Variants in SYCP2 observed in about 807,000 individuals in gnomAD.
SYCP2 encodes the protein synaptonemal complex lateral element protein.
Under a neutral mutation model 211.3 loss-of-function variants are expected in SYCP2, and 55 were observed. The observed-to-expected ratio is 0.26, with a 90% CI of 0.21 to 0.33. SYCP2 has a LOEUF of 0.33. Ranked by LOEUF, SYCP2 falls within the 10% of genes least tolerant of loss-of-function variation. The pLI, the probability that SYCP2 is intolerant of heterozygous loss-of-function variation, is 1.00. For missense variants in SYCP2, 1,731 were observed against 1,752.0 expected (o/e 0.99, Z 0.21); for synonymous variants, 570 against 555.2 (o/e 1.03, Z -0.37).
intron 32 of SYCP2, 117 bp downstream of exon 32, chr20:59,877,891 A>G: frequency 1.3e-6 from 1 of 764,716 alleles, no homozygotes; most frequent in Non-Finnish European, 2.1e-6. Context: ...AAGAAGGAAG[A>G]GGTACATAAA....
chr20:59,895,539 C>T lies in SYCP2; in HGVS notation c.1563G>A (p.Glu521=). ...KPPLQMTSSA[E]KPSVSQTSEN... is the part of the protein sequence containing the mutation. ...CTGATGTTTGAGAAACACTAGGTTT[C>T]TCTGCAGAGCTCGTCATTTGCAGTG... Residue 521 remains glutamate (E), a synonymous_variant, in exon 20 of 45, where the codon GAG becomes GAA. Coordinates refer to ENST00000357552, the MANE Select transcript of SYCP2 (RefSeq NM_014258.4). 1 of 1,610,858 alleles carries T rather than the reference C, an allele frequency of 6.2e-7. No individual in the cohort carries two copies. Among genetic ancestry groups the T allele is most frequent in the African/African-American group, 1.3e-5 (1 of 74,968 alleles).
intron 18 of SYCP2, among the ~76,000 whole-genome samples, chr20:59,896,878 G>C (rs1177324208): frequency 6.6e-6 from 1 of 152,026 alleles, no homozygotes; most frequent in Non-Finnish European, 1.5e-5. Context: ...TATATCATGA[G>C]GATAATGTTT....
In SYCP2 at chr20:59,885,919, A is replaced by AT; in HGVS notation, c.2529+8_2529+9insA. 1 of 1,595,410 alleles carries AT rather than the reference A, an allele frequency of 6.3e-7. No homozygotes were observed. Among genetic ancestry groups the AT allele is most frequent in the South Asian group, 1.1e-5 (1 of 87,866 alleles). On this transcript the variant is annotated intron_variant, in intron 26 of 44. Transcript: ENST00000357552. ...ATAGATTTGGTGAAGTTAAGTAAAT[A>AT]ACACCTACCTTACTGAGTTGTACAA...
rs527820411 is a variant in SYCP2 at position 59,871,848 on chromosome 20, T to C, written c.3556-1865A>G. ...GAAAAAAAAGTCTGTACATGTTCAATACAGACACAATTAAAAATATATATT... is the reference window on the plus strand; with the variant it reads ...GAAAAAAAAGTCTGTACATGTTCAACACAGACACAATTAAAAATATATATT... On this transcript the variant is annotated intron_variant, in intron 35 of 44. Coordinates refer to ENST00000357552, the MANE Select transcript of SYCP2 (RefSeq NM_014258.4). Among the ~76,000 whole-genome samples the C allele has an allele frequency of 6.6e-5, 10 of 152,128 alleles. No individual in the cohort carries two copies. In the South Asian group the frequency reaches 2.1e-3, roughly 32 times the overall value.
At chr20:59,908,153 G>A (rs1014792445) in intron 14 of SYCP2, among the ~76,000 whole-genome samples, 1 of 152,164 alleles carries the variant, frequency 6.6e-6, no homozygotes, top group African/African-American at 2.4e-5. Context: ...GGAGGCTGAG[G>A]CAGGAGAATG....
intron 24 of SYCP2, among the ~76,000 whole-genome samples, chr20:59,888,126 G>A (rs570995710): frequency 6.6e-6 from 1 of 151,844 alleles, no homozygotes; most frequent in South Asian, 2.1e-4. Flanking sequence ...CTACAAGATA[G>A]AAGAGTAGGA....
chr20:59,874,789 G>T (rs1406656717), intron 34 of SYCP2, among the ~76,000 whole-genome samples: 2 of 151,898 alleles, frequency 1.3e-5, no homozygotes, highest in East Asian at 3.9e-4. Flanking sequence ...CAAAGAATAT[G>T]AATTTTTCTT....
At position 59,901,962 on chromosome 20, in the gene SYCP2, T is replaced by TAC. The variant is rs979356073; in HGVS notation, c.1034-154_1034-153dup. The TAC allele has an allele frequency of 5.7e-5, 32 of 565,508 alleles. 1 individual carries two copies. Among genetic ancestry groups the TAC allele is most frequent in the African/African-American group, 3.7e-4 (19 of 51,244 alleles). 35.0% of individuals were successfully genotyped at this position (565,508 alleles called of 1,614,324 possible). A position where few individuals can be genotyped will look rare whatever the true frequency, so the allele number is the denominator to read the frequency against. The stretch of plus-strand genomic sequence containing the variant: ...TAAATTAATCAATTCTGGCACTACT[T>TAC]ACCTATGTAAATCAATCAAGTCAAT... On this transcript the variant is annotated intron_variant, in intron 15 of 44. Coordinates refer to ENST00000357552, the MANE Select transcript of SYCP2 (RefSeq NM_014258.4).
chr20:59,882,236 T>C (rs2059697810), intron 26 of SYCP2, 71 bp from the exon 27 acceptor site: 3 of 1,114,790 alleles, frequency 2.7e-6, no homozygotes, highest in Admixed American at 2.1e-5. Flanking sequence ...ACAGCACTAA[T>C]CAGAAATGCA....
intron 15 of SYCP2, among the ~76,000 whole-genome samples, chr20:59,903,353 A>G (rs190145765): frequency 5.3e-4 from 81 of 152,254 alleles, no homozygotes; most frequent in African/African-American, 1.9e-3. Context: ...TAGGAAGAGA[A>G]GGAAAGAGTA....
intron 3 of SYCP2, 84 bp downstream of exon 3, chr20:59,922,305 TA>T: frequency 8.1e-7 from 1 of 1,229,888 alleles, no homozygotes; most frequent in Non-Finnish European, 1.1e-6. Context: ...TTATCATTGC[TA>T]AAAACATAGC....
Position 59,882,012 on chromosome 20 carries a change from T to C in SYCP2, c.2601-10A>G. On this transcript the variant is annotated splice_polypyrimidine_tract_variant and intron_variant, in intron 27 of 44. Coordinates refer to ENST00000357552, the MANE Select transcript of SYCP2 (RefSeq NM_014258.4). ...ATTGTAAACATCATTCCTGTGAAAA[T>C]GAAGAGCAATATTAGCTCCACTTAA... 3 of 1,612,392 alleles carry C rather than the reference T, an allele frequency of 1.9e-6. No individual in the cohort carries two copies. Among genetic ancestry groups the C allele is most frequent in the Non-Finnish European group, 2.5e-6 (3 of 1,178,896 alleles).
chr20:59,926,014 G>A (rs1056230539), intron 2 of SYCP2, among the ~76,000 whole-genome samples: 11 of 151,904 alleles, frequency 7.2e-5, no homozygotes, highest in African/African-American at 2.7e-4. Flanking sequence ...CTAGTATTAA[G>A]GAAACAAACT....
intron 19 of SYCP2, among the ~76,000 whole-genome samples, 160 bp from the exon 20 acceptor site, chr20:59,895,757 A>G (rs1198597382): frequency 2.6e-5 from 4 of 152,124 alleles, no homozygotes; most frequent in Non-Finnish European, 5.9e-5. Context: ...TACCAAGATA[A>G]TAAGTGAAGG....
rs761775544 is a variant in SYCP2 at position 59,869,900 on chromosome 20, G to A, written c.3639C>T (p.Asn1213=). The stretch of plus-strand genomic sequence containing the variant: ...TGCTTACATCTGAATAGCTGTTACT[G>A]TTTTGTGTTTCTTGTGTAAGTACCA... ...SSLVLTQETQ[N]SNSYSDVSSY... The change falls in exon 36 of 45, where the codon AAC becomes AAT. Residue 1213 remains asparagine, a synonymous_variant. Transcript: ENST00000357552. The A allele has an allele frequency of 3.1e-6, 5 of 1,605,480 alleles. No individual in the cohort carries two copies. Among genetic ancestry groups the A allele is most frequent in the Middle Eastern group, 1.7e-4 (1 of 5,920 alleles).
At chr20:59,869,542 T>C (rs994225777) in intron 36 of SYCP2, among the ~76,000 whole-genome samples, 2 of 151,744 alleles carry the variant, frequency 1.3e-5, no homozygotes, top group African/African-American at 4.8e-5. Flanking sequence ...ATTGTAAATA[T>C]GCAATCCGGG....
In SYCP2 at chr20:59,922,257, T is replaced by A. The variant is rs1276153047; in HGVS notation, c.24+133A>T. On this transcript the variant is annotated intron_variant, in intron 3 of 44. Transcript: ENST00000357552. Reference sequence around the variant, plus strand: ...TGAATACATGAAAGGACACTTTATTTAAACTATTCTTGACCATTTCATAAA... The same window carrying A: ...TGAATACATGAAAGGACACTTTATTAAAACTATTCTTGACCATTTCATAAA... 9 of 742,832 alleles carry A rather than the reference T, an allele frequency of 1.2e-5. No homozygotes were observed. In the African/African-American group the frequency reaches 1.7e-4, roughly 14 times the overall value. The allele number at this position is 742,832 out of a possible 1,614,324, so 46.0% of individuals were successfully genotyped here.
At position 59,887,216 on chromosome 20, in the gene SYCP2, C is replaced by T. The variant is rs1387582486; in HGVS notation, c.2365-382G>A. 2.0e-5 allele frequency among the ~76,000 whole-genome samples: 3 copies of T among 151,574 alleles called. No individual in the cohort carries two copies. In the South Asian group the frequency reaches 6.3e-4, roughly 32 times the overall value. On this transcript the variant is annotated intron_variant, in intron 24 of 44. Coordinates refer to ENST00000357552, the MANE Select transcript of SYCP2 (RefSeq NM_014258.4). ...CCTTCCTGTGTCCAAGTGTTCTCAT[C>T]GTTCAATTCCCACCTACAAGTGAGA...
rs771554378 is a variant in SYCP2, at chr20:59,886,743, T to C, written c.2456A>G (p.Lys819Arg). 3 of 1,586,198 alleles carry C rather than the reference T, an allele frequency of 1.9e-6. No individual in the cohort carries two copies. Among genetic ancestry groups the C allele is most frequent in the Non-Finnish European group, 2.6e-6 (3 of 1,168,902 alleles). Reference sequence around the variant, plus strand: ...AGACTCCTTTAATTTTCTTGTAGACTTGATGTCATCTTTTGTTTTGTATCT... The same window carrying C: ...AGACTCCTTTAATTTTCTTGTAGACCTGATGTCATCTTTTGTTTTGTATCT... ...NKRYKTKDDI[K>R]STRKLKESLI... The change falls in exon 25 of 45, where the codon AAG becomes AGG. Residue 819 changes from lysine to arginine, a missense_variant. Lys to Arg is a conservative substitution (Grantham distance 26). Transcript: ENST00000357552.
Sources: allele counts gnomAD v4.1 joint callset (sites outside exome capture counted in the v4.1 genomes callset), GRCh38; gene constraint gnomAD v4.1.1; transcripts MANE v1.5; gene names NCBI Gene and HGNC (gene_info 2026-07-23, HGNC 2026-07-21).